OSBPL10: variants seen among roughly 807,000 people sequenced by gnomAD.
OSBPL10 encodes the protein oxysterol binding protein like 10.
OSBPL10 carries 49 observed loss-of-function variants against 81.7 expected under a neutral mutation model. The ratio of observed to expected loss-of-function variants is 0.60; its 90% CI spans 0.48 to 0.76. OSBPL10 has a LOEUF of 0.76. Among genes scored for constraint, OSBPL10 ranks in the 30% least tolerant of loss-of-function variants. The pLI is 0.00. For missense variants in OSBPL10, 923 were observed against 987.8 expected, an observed-to-expected ratio of 0.93 and a Z score of 0.88; for synonymous variants, 419 against 383.6, an observed-to-expected ratio of 1.09 and a Z score of -1.08.
chr3:31,976,848 G>T lies in OSBPL10; in HGVS notation c.281+4051C>A, dbSNP rs373871834. On this transcript the variant is annotated intron_variant, in intron 1 of 11. Coordinates refer to ENST00000396556, the MANE Select transcript of OSBPL10 (RefSeq NM_017784.5). Reference sequence around the variant, plus strand: ...CCAATCACCAAAAAAAGAATTGAAGGTTGGTTCCACGTTCGCAGTGTCTTC... The same window carrying T: ...CCAATCACCAAAAAAAGAATTGAAGTTTGGTTCCACGTTCGCAGTGTCTTC... Among the ~76,000 whole-genome samples, 4 of 152,122 alleles carry T rather than the reference G, an allele frequency of 2.6e-5. No individual in the cohort carries two copies. The East Asian group carries it at 5.8e-4, about 22-fold the overall frequency.
intron 11 of OSBPL10, chr3:31,662,604 A>C (rs1700095051): frequency 2.0e-6 from 2 of 995,444 alleles, no homozygotes; most frequent in African/African-American, 3.5e-5. Flanking sequence ...GAAAAAGGCA[A>C]GAATTAAAAT....
At chr3:32,022,806 G>A (rs1343697155) in intron 2 of OSBPL10, among the ~76,000 whole-genome samples, 2 of 152,046 alleles carry the variant, frequency 1.3e-5, no homozygotes, top group Non-Finnish European at 2.9e-5. Context: ...TGCGATTAAA[G>A]GACACAAAGC....
rs1240445114 is a variant in OSBPL10 at position 31,664,155 on chromosome 3, T to A, written c.2174A>T (p.Glu725Val). ...DAATEQKRHL[E>V]EKQRVEERKR... is the part of the protein sequence containing the mutation. ...CCGTTCCTCCACCCGTTGCTTCTCCTCCAGGTGCCGCTTCTGCTCGGTGGC... is the reference window on the plus strand; with the variant it reads ...CCGTTCCTCCACCCGTTGCTTCTCCACCAGGTGCCGCTTCTGCTCGGTGGC... Residue 725 changes from glutamate (E) to valine (V), a missense_variant, in exon 11 of 12, where the codon GAG (glutamate) becomes GTG (valine). Glu to Val is a moderately radical substitution (Grantham distance 121). Around this residue, in one of 3 missense-constraint regions of OSBPL10, gnomAD observed 387 missense variants for 436.3 expected, o/e 0.89. Transcript: ENST00000396556. The A allele has an allele frequency of 6.2e-7, 1 of 1,613,688 alleles. No individual in the cohort carries two copies. The highest frequency in any genetic ancestry group is 8.5e-7 in the Non-Finnish European group (1 of 1,179,968).
rs1700508191 is a variant in OSBPL10, at chr3:31,677,481, A to G, written c.1726+6153T>C. ...GCCATGTCCAGGAGAGGCCTTTCACAGTCTCTCTCCAGAATCTTCTTTCTG... is the reference window on the plus strand; with the variant it reads ...GCCATGTCCAGGAGAGGCCTTTCACGGTCTCTCTCCAGAATCTTCTTTCTG... On this transcript the variant is annotated intron_variant, in intron 8 of 11. Transcript: ENST00000396556. Among the ~76,000 whole-genome samples, 6 of 152,318 alleles carry G rather than the reference A, an allele frequency of 3.9e-5. No homozygotes were observed. The South Asian group carries it at 1.2e-3, about 32-fold the overall frequency.
At chr3:31,913,593 A>G (rs1209004113) in intron 1 of OSBPL10, among the ~76,000 whole-genome samples, 2 of 152,200 alleles carry the variant, frequency 1.3e-5, no homozygotes, top group Non-Finnish European at 2.9e-5. Flanking sequence ...GCAAAATCAA[A>G]CTATTCAACC....
intron 6 of OSBPL10, among the ~76,000 whole-genome samples, chr3:31,719,609 A>G (rs994374858): frequency 2.6e-5 from 4 of 152,218 alleles, no homozygotes; most frequent in African/African-American, 9.6e-5. Context: ...CCCTCACACA[A>G]TGCTGAGAAA....
intron 2 of OSBPL10, among the ~76,000 whole-genome samples, chr3:31,878,815 A>ATGTG (rs59233088): frequency 0.37 from 50,785 of 135,910 alleles, 9,224 homozygotes; most frequent in South Asian, 0.49. Context: ...CTGCGTGTCC[A>ATGTG]TGTGTGTGTG....
In OSBPL10 at chr3:31,661,769, C is replaced by T; in HGVS notation, c.*303G>A. 1 of 270,968 alleles carries T rather than the reference C, an allele frequency of 3.7e-6. No homozygotes were observed. The highest frequency in any genetic ancestry group is 6.9e-6 in the Non-Finnish European group (1 of 145,698). 16.8% of individuals were successfully genotyped at this position (270,968 alleles called of 1,614,324 possible). A position where few individuals can be genotyped will look rare whatever the true frequency, so the allele number is the denominator to read the frequency against. ...ATTGATAAAAAGGAGCTTATGATTACCCACTTTAACCTTGGTGAGTGCAGT... is the reference window on the plus strand; with the variant it reads ...ATTGATAAAAAGGAGCTTATGATTATCCACTTTAACCTTGGTGAGTGCAGT... On this transcript the variant is annotated 3_prime_UTR_variant, in exon 12 of 12. Transcript: ENST00000396556.
At position 31,981,079 on chromosome 3, in the gene OSBPL10, G is replaced by C; in HGVS notation, c.101C>G (p.Ser34Cys). Residue 34 changes from serine (S) to cysteine (C), a missense_variant, in exon 1 of 12, where the codon TCT (serine) becomes TGT (cysteine). Around this residue, in one of 3 missense-constraint regions of OSBPL10, gnomAD observed 514 missense variants for 508.0 expected, o/e 1.01. Transcript: ENST00000396556. The surrounding 1 kb of genome is among the most constrained non-coding windows in gnomAD (Gnocchi z 4.5). ...GCTGGAGACCCCCCGGCCCGCCAGA[G>C]AGCAGGAGGGCGAGGAGCCCGCCGA... is the stretch of plus-strand genomic sequence containing the variant. ...ATSAGSSPSC[S>C]LAGRGVSSRS... is the part of the protein sequence containing the mutation. 1 of 1,492,524 alleles carries C rather than the reference G, an allele frequency of 6.7e-7. No individual in the cohort carries two copies. Among genetic ancestry groups the C allele is most frequent in the South Asian group, 1.3e-5 (1 of 79,110 alleles). 92.5% of individuals were successfully genotyped at this position (1,492,524 alleles called of 1,614,324 possible). A position where few individuals can be genotyped will look rare whatever the true frequency, so the allele number is the denominator to read the frequency against.
intron 3 of OSBPL10, among the ~76,000 whole-genome samples, chr3:31,872,513 C>G (rs1701356640): frequency 6.7e-6 from 1 of 149,652 alleles, no homozygotes; most frequent in Non-Finnish European, 1.5e-5. Flanking sequence ...TCAATTTTTC[C>G]AAGTAAGAAT....
chr3:31,983,748 T>C (rs578208379), upstream of OSBPL10, among the ~76,000 whole-genome samples: 67 of 152,312 alleles, frequency 4.4e-4, no homozygotes, highest in Non-Finnish European at 6.2e-4. Context: ...TACCGTAGTA[T>C]AGCAAATAGG....
intron 4 of OSBPL10, among the ~76,000 whole-genome samples, chr3:31,782,621 G>A (rs763844428): frequency 1.8e-4 from 27 of 152,148 alleles, no homozygotes; most frequent in Non-Finnish European, 3.7e-4. Flanking sequence ...CCATCAAAAA[G>A]TGGGCTAAGG....
At chr3:31,781,665 C>A (rs1301111456) in intron 4 of OSBPL10, among the ~76,000 whole-genome samples, 1 of 152,106 alleles carries the variant, frequency 6.6e-6, no homozygotes, top group East Asian at 1.9e-4. Context: ...CAACAGCAAC[C>A]AAGTTTAGAA....
intron 1 of OSBPL10, among the ~76,000 whole-genome samples, chr3:31,922,783 T>C (rs765575721): frequency 5.3e-5 from 8 of 152,264 alleles, no homozygotes; most frequent in Middle Eastern, 3.4e-3. Flanking sequence ...TGGCTTCTTA[T>C]GTGGCTCCGT....
At chr3:31,669,672 A>G (rs1173457293) in intron 9 of OSBPL10, among the ~76,000 whole-genome samples, 3 of 152,162 alleles carry the variant, frequency 2.0e-5, no homozygotes, top group Non-Finnish European at 2.9e-5. Flanking sequence ...GGGAATTCCA[A>G]GTGAAAGCAG....
chr3:31,883,539 G>GT (rs1695649584), intron 1 of OSBPL10, among the ~76,000 whole-genome samples: 1 of 96,706 alleles, frequency 1.0e-5, no homozygotes, highest in East Asian at 4.3e-4. Flanking sequence ...TTTTTTTTTT[G>GT]TTGTTTTTTT....
chr3:31,724,583 C>T (rs1696750035), intron 6 of OSBPL10, among the ~76,000 whole-genome samples: 1 of 151,188 alleles, frequency 6.6e-6, no homozygotes, highest in South Asian at 2.1e-4. Context: ...CTTATTATCA[C>T]CCACAAAAAA....
chr3:31,716,515 C>T (rs563513460), intron 6 of OSBPL10, among the ~76,000 whole-genome samples: 4 of 152,248 alleles, frequency 2.6e-5, no homozygotes, highest in East Asian at 3.9e-4. Context: ...TAATGATCCC[C>T]GGCCATGGGG....
chr3:31,857,217 G>C (rs578229124), intron 3 of OSBPL10, among the ~76,000 whole-genome samples: 1 of 152,272 alleles, frequency 6.6e-6, no homozygotes, highest in African/African-American at 2.4e-5. Context: ...GTTTTGTCAA[G>C]GAAGAGGCCA....
Sources: allele counts gnomAD v4.1 joint callset (sites outside exome capture counted in the v4.1 genomes callset), GRCh38; gene constraint gnomAD v4.1.1; regional missense constraint gnomAD v4.1.1; non-coding constraint Gnocchi (gnomAD v3.1); transcripts MANE v1.5; gene names NCBI Gene and HGNC (gene_info 2026-07-23, HGNC 2026-07-21).